The following WWC2 variants were observed in gnomAD, a reference collection of about 807,000 sequenced individuals.
WWC2 encodes WW and C2 domain containing 2, also known as protein WWC2.
WWC2 carries 101 observed loss-of-function variants against 138.5 expected under a neutral mutation model. The ratio of observed to expected loss-of-function variants is 0.73; its 90% CI spans 0.62 to 0.86. The LOEUF is 0.86. WWC2 is among the 40% of genes least tolerant of loss of function. The pLI, the probability that WWC2 is intolerant of heterozygous loss-of-function variation, is 0.00. For missense variants in WWC2, 1,420 were observed against 1,419.4 expected (o/e 1.00, Z -0.01); for synonymous variants, 558 against 538.4 (o/e 1.04, Z -0.50).
At chr4:183,233,264 G>A (rs1736313567) in intron 4 of WWC2, among the ~76,000 whole-genome samples, 1 of 133,326 alleles carries the variant, frequency 7.5e-6, no homozygotes, top group African/African-American at 2.8e-5. Context: ...TCAAACGATT[G>A]TCCTGCCTCT....
At chr4:183,311,662 C>T (rs149995670) in intron 21 of WWC2, among the ~76,000 whole-genome samples, 1 of 149,024 alleles carries the variant, frequency 6.7e-6, no homozygotes, top group African/African-American at 2.5e-5. Flanking sequence ...TCACTGCAAG[C>T]TCCACCTCCC....
At chr4:183,113,669 T>G (rs1366903759) in intron 1 of WWC2, among the ~76,000 whole-genome samples, 1 of 151,976 alleles carries the variant, frequency 6.6e-6, no homozygotes, top group African/African-American at 2.4e-5. Context: ...AGTGCTGAAA[T>G]TTACAGGTGT....
intron 4 of WWC2, among the ~76,000 whole-genome samples, chr4:183,223,991 CA>C (rs1735999106): frequency 6.6e-6 from 1 of 152,160 alleles, no homozygotes; most frequent in South Asian, 2.1e-4. Context: ...CTCGGCCTCC[CA>C]AAGTGCTGGG....
chr4:183,269,727 A>T, intron 15 of WWC2: 1 of 291,418 alleles, frequency 3.4e-6, no homozygotes, highest in South Asian at 3.3e-5. Context: ...AGTACTATAT[A>T]GTACCCTTAT....
At chr4:183,311,813 G>A (rs542542802) in intron 21 of WWC2, among the ~76,000 whole-genome samples, 47 of 152,008 alleles carry the variant, frequency 3.1e-4, no homozygotes, top group South Asian at 2.9e-3. Flanking sequence ...TCCTGACCTC[G>A]TGATCCGCCT....
intron 1 of WWC2, among the ~76,000 whole-genome samples, chr4:183,155,234 G>A (rs1349122762): frequency 6.8e-6 from 1 of 146,084 alleles, no homozygotes; most frequent in African/African-American, 2.5e-5. Flanking sequence ...GTTAGTTGAC[G>A]TGGTGAGGAC....
chr4:183,223,000 A>G (rs1005374651), intron 4 of WWC2, among the ~76,000 whole-genome samples: 8 of 152,194 alleles, frequency 5.3e-5, no homozygotes, highest in African/African-American at 1.9e-4. Context: ...GTTACGTGCC[A>G]AATAAATGAC....
chr4:183,280,446 C>G (rs1738032894), intron 16 of WWC2, among the ~76,000 whole-genome samples: 1 of 151,992 alleles, frequency 6.6e-6, no homozygotes, highest in African/African-American at 2.4e-5. Context: ...CTGTTCTAGG[C>G]AGCCACAGTC....
rs72193297 is a variant in WWC2 at position 183,114,668 on chromosome 4, CT to C, written c.131+15057del. On this transcript the variant is annotated intron_variant, in intron 1 of 22. Coordinates refer to ENST00000403733, the MANE Select transcript of WWC2 (RefSeq NM_024949.6). The stretch of plus-strand genomic sequence containing the variant: ...TTTATTTGTTTTCACTGGAACATAC[CT>C]TTTTTTTTTTCTTCCAACGTTTATT... Among the ~76,000 whole-genome samples, 637 of 148,118 alleles carry C rather than the reference CT, an allele frequency of 4.3e-3. 5 individuals are homozygous for C. Among genetic ancestry groups the C allele is most frequent in the Non-Finnish European group, 5.4e-3 (362 of 66,916 alleles).
intron 16 of WWC2, among the ~76,000 whole-genome samples, chr4:183,277,825 G>T (rs1700427502): frequency 6.7e-6 from 1 of 149,752 alleles, no homozygotes; most frequent in Non-Finnish European, 1.5e-5. Context: ...TTTTGATGGG[G>T]TTGTTTTTTT....
rs145500734 is a variant in WWC2 at position 183,271,807 on chromosome 4, C to A, written c.2562+566C>A. On this transcript the variant is annotated intron_variant, in intron 16 of 22. Transcript: ENST00000403733. Reference sequence around the variant, plus strand: ...TTGCTTTTGCTCAGGAGTTCAAGACCAGCATGGGCAACATAGCAAGACCCT... The same window carrying A: ...TTGCTTTTGCTCAGGAGTTCAAGACAAGCATGGGCAACATAGCAAGACCCT... Among the ~76,000 whole-genome samples the A allele has an allele frequency of 5.8e-3, 881 of 152,236 alleles. 9 individuals are homozygous for A. Among genetic ancestry groups the A allele is most frequent in the African/African-American group, 0.02 (818 of 41,520 alleles).
chr4:183,292,746 AAGAG>A (rs1368478050), intron 21 of WWC2, among the ~76,000 whole-genome samples: 1 of 152,194 alleles, frequency 6.6e-6, no homozygotes, highest in Non-Finnish European at 1.5e-5. Flanking sequence ...ACACTAGAAA[AAGAG>A]AGAACACTTC....
rs559727313 is a variant in WWC2 at position 183,245,288 on chromosome 4, G to A, written c.603-128G>A. ...GGAGAAACTGCCTGAAAAGATGATT[G>A]CTGGTATATGACAGTCAGCAGTGAA... On this transcript the variant is annotated intron_variant, in intron 5 of 22. Coordinates refer to ENST00000403733, the MANE Select transcript of WWC2 (RefSeq NM_024949.6). 6.7e-5 allele frequency: 43 copies of A among 637,242 alleles called. 1 individual carries two copies. In the South Asian group the frequency reaches 2.3e-3, roughly 34 times the overall value. 39.5% of individuals were successfully genotyped at this position (637,242 alleles called of 1,614,324 possible). A position where few individuals can be genotyped will look rare whatever the true frequency, so the allele number is the denominator to read the frequency against.
At chr4:183,198,251 T>C (rs1024136306) in intron 2 of WWC2, among the ~76,000 whole-genome samples, 2 of 152,018 alleles carry the variant, frequency 1.3e-5, no homozygotes, top group Non-Finnish European at 2.9e-5. Flanking sequence ...AAGTAGAAAA[T>C]ATAGATAAAT....
At chr4:183,246,103 T>C (rs1736773113) in intron 6 of WWC2, among the ~76,000 whole-genome samples, 1 of 152,210 alleles carries the variant, frequency 6.6e-6, no homozygotes, top group Non-Finnish European at 1.5e-5. Flanking sequence ...ATCCCCTTAC[T>C]AAACCTGTTC....
intron 4 of WWC2, among the ~76,000 whole-genome samples, chr4:183,237,157 T>C (rs904447709): frequency 1.8e-4 from 28 of 152,228 alleles, no homozygotes; most frequent in Non-Finnish European, 1.5e-5. Flanking sequence ...TTTTATAGTT[T>C]TCATTGTAGA....
At chr4:183,103,708 C>T (rs1743259556) in intron 1 of WWC2, among the ~76,000 whole-genome samples, 1 of 149,516 alleles carries the variant, frequency 6.7e-6, no homozygotes, top group South Asian at 2.1e-4. Flanking sequence ...TGCCATCTCG[C>T]CTCACTGCAA....
At chr4:183,200,538 T>G (rs376572537) in intron 2 of WWC2, among the ~76,000 whole-genome samples, 13 of 152,310 alleles carry the variant, frequency 8.5e-5, no homozygotes, top group African/African-American at 2.9e-4. Context: ...TAGGCAAGAC[T>G]TAGCTGGATA....
chr4:183,306,838 T>A (rs1739037049), intron 21 of WWC2, among the ~76,000 whole-genome samples: 1 of 141,992 alleles, frequency 7.0e-6, no homozygotes, highest in Non-Finnish European at 1.5e-5. Flanking sequence ...GGATAACAAT[T>A]CTTAGACATC....
Sources: allele counts gnomAD v4.1 joint callset (sites outside exome capture counted in the v4.1 genomes callset), GRCh38; gene constraint gnomAD v4.1.1; transcripts MANE v1.5; gene names NCBI Gene and HGNC (gene_info 2026-07-23, HGNC 2026-07-21).